Variants in TRPC4AP observed in about 807,000 individuals in gnomAD.
The protein encoded by TRPC4AP is transient receptor potential cation channel subfamily C member 4 associated protein, also known as short transient receptor potential channel 4-associated protein.
A neutral mutation model predicts 99.0 loss-of-function variants in TRPC4AP; 45 were observed. That is an observed-to-expected ratio of 0.45 (90% CI 0.36 to 0.58). The LOEUF is 0.58. Among genes scored for constraint, TRPC4AP ranks in the 20% least tolerant of loss-of-function variants. The pLI is 0.00. For synonymous variants in TRPC4AP, 408 were observed against 385.8 expected (o/e 1.06, Z -0.67); for missense variants, 879 against 985.3 (o/e 0.89, Z 1.44).
At chr20:35,061,846 T>C (rs982343401) in intron 3 of TRPC4AP, among the ~76,000 whole-genome samples, 2 of 152,126 alleles carry the variant, frequency 1.3e-5, no homozygotes, top group Admixed American at 6.5e-5. Flanking sequence ...AAAGATAAAA[T>C]GAACTTCATC....
At chr20:35,021,866 TA>T (rs1240791989) in intron 8 of TRPC4AP, among the ~76,000 whole-genome samples, 1 of 152,264 alleles carries the variant, frequency 6.6e-6, no homozygotes, top group Non-Finnish European at 1.5e-5. Flanking sequence ...TTCAACTTTC[TA>T]AAGCAGACTG....
intron 5 of TRPC4AP, 63 bp from the exon 6 acceptor site, chr20:35,050,057 C>T: frequency 6.4e-7 from 1 of 1,555,780 alleles, no homozygotes; most frequent in South Asian, 1.2e-5. Flanking sequence ...AAGTACAAGG[C>T]ATCCTTTACA....
intron 10 of TRPC4AP, among the ~76,000 whole-genome samples, chr20:35,013,916 G>C (rs2082693200): frequency 6.6e-6 from 1 of 152,222 alleles, no homozygotes; most frequent in Non-Finnish European, 1.5e-5. Context: ...GCCCTCCCAA[G>C]AGCAGCAGAA....
At chr20:35,092,576 G>GTCCGC (rs2085105418) in intron 1 of TRPC4AP, 38 bp downstream of exon 1, 4 of 1,438,602 alleles carry the variant, frequency 2.8e-6, no homozygotes, top group African/African-American at 1.5e-5. Context: ...CTCCCGCCTG[G>GTCCGC]TCCGCCCCGC....
chr20:35,014,077 C>G (rs554817713), intron 10 of TRPC4AP, among the ~76,000 whole-genome samples: 1 of 152,342 alleles, frequency 6.6e-6, no homozygotes, highest in Admixed American at 6.5e-5. Context: ...ACTAACCCCA[C>G]TGACCTCAAG....
chr20:35,082,905 A>C (rs2084683408), intron 1 of TRPC4AP, among the ~76,000 whole-genome samples: 1 of 152,214 alleles, frequency 6.6e-6, no homozygotes, highest in Non-Finnish European at 1.5e-5. Context: ...GTATCCACAG[A>C]AAACCCACTG....
chr20:35,042,238 G>A (rs1221106613), intron 7 of TRPC4AP, among the ~76,000 whole-genome samples: 3 of 152,186 alleles, frequency 2.0e-5, no homozygotes, highest in African/African-American at 7.2e-5. Context: ...AATCTAGAGA[G>A]AGAATAAACT....
At chr20:35,060,108 A>C (rs916651842) in intron 3 of TRPC4AP, among the ~76,000 whole-genome samples, 11 of 152,220 alleles carry the variant, frequency 7.2e-5, no homozygotes, top group Admixed American at 3.9e-4. Flanking sequence ...AGAATGATCA[A>C]TTCTTCACAA....
At chr20:35,009,947 GC>G in intron 12 of TRPC4AP, among the ~76,000 whole-genome samples, 1 of 152,360 alleles carries the variant, frequency 6.6e-6, no homozygotes, top group East Asian at 1.9e-4. Context: ...CCTCTCTGAG[GC>G]TCACCTCATC....
At chr20:35,014,561 C>T (rs1002105674) in intron 10 of TRPC4AP, among the ~76,000 whole-genome samples, 6 of 152,142 alleles carry the variant, frequency 3.9e-5, no homozygotes, top group African/African-American at 1.4e-4. Context: ...TGATTAAAAA[C>T]AGAATATGCA....
At position 35,090,702 on chromosome 20, in the gene TRPC4AP, T is replaced by C. The variant is rs562146562; in HGVS notation, c.168+1912A>G. On this transcript the variant is annotated intron_variant, in intron 1 of 18. Coordinates refer to ENST00000252015, the MANE Select transcript of TRPC4AP (RefSeq NM_015638.3). Reference sequence around the variant, plus strand: ...GGTGGGCTTTTCTAGGCTCCTCCCATTCTAAGTCATTCAGCACTGGAAACA... The same window carrying C: ...GGTGGGCTTTTCTAGGCTCCTCCCACTCTAAGTCATTCAGCACTGGAAACA... 2.6e-5 allele frequency among the ~76,000 whole-genome samples: 4 copies of C among 152,236 alleles called. No individual in the cohort carries two copies. The East Asian group carries it at 7.7e-4, about 29-fold the overall frequency.
Position 35,039,645 on chromosome 20 carries a change from T to C in TRPC4AP, c.866-4337A>G, listed in dbSNP as rs1212535052. Among the ~76,000 whole-genome samples the C allele has an allele frequency of 3.3e-5, 5 of 152,300 alleles. No individual in the cohort carries two copies. In the East Asian group the frequency reaches 7.7e-4, roughly 24 times the overall value. ...TTTCCCCTCCTGCTTTCCAGCTTCATGTGCTGCATAATTCAGCCCCTCTCA... is the reference window on the plus strand; with the variant it reads ...TTTCCCCTCCTGCTTTCCAGCTTCACGTGCTGCATAATTCAGCCCCTCTCA... On this transcript the variant is annotated intron_variant, in intron 7 of 18. Coordinates refer to ENST00000252015, the MANE Select transcript of TRPC4AP (RefSeq NM_015638.3).
chr20:35,069,459 C>G, intron 2 of TRPC4AP, 47 bp from the exon 3 acceptor site: 1 of 1,182,328 alleles, frequency 8.5e-7, no homozygotes, highest in Non-Finnish European at 1.3e-6. Flanking sequence ...GTAACCAACA[C>G]AGACCAGACA....
In TRPC4AP at chr20:35,033,783, G is replaced by C. The variant is rs190630503; in HGVS notation, c.1051+1340C>G. Among the ~76,000 whole-genome samples, 1,114 of 152,068 alleles carry C rather than the reference G, an allele frequency of 7.3e-3. 11 individuals carry two copies. The highest frequency in any genetic ancestry group is 0.023 in the African/African-American group (953 of 41,416). ...AAGGAGGGTGGATCACTTGAGGCCA[G>C]GAGTTTGAGACCAGCCTGACCAACA... On this transcript the variant is annotated intron_variant, in intron 8 of 18. Coordinates refer to ENST00000252015, the MANE Select transcript of TRPC4AP (RefSeq NM_015638.3).
chr20:35,029,859 A>G (rs1433063151), intron 8 of TRPC4AP, among the ~76,000 whole-genome samples: 1 of 145,812 alleles, frequency 6.9e-6, no homozygotes, highest in African/African-American at 2.5e-5. Flanking sequence ...GGTGGTCTCG[A>G]TCTCCTGACC....
At chr20:35,060,585 CAAAAAAAAAAAAA>C (rs35143678) in intron 3 of TRPC4AP, among the ~76,000 whole-genome samples, 8 of 70,386 alleles carry the variant, frequency 1.1e-4, no homozygotes, top group African/African-American at 1.8e-4. Flanking sequence ...ACCTTGTCTC[CAAAAAAAAAAAAA>C]AAAAAAAAAA....
chr20:35,006,233 G>A (rs984481984), intron 15 of TRPC4AP, among the ~76,000 whole-genome samples: 1 of 151,934 alleles, frequency 6.6e-6, no homozygotes, highest in African/African-American at 2.4e-5. Flanking sequence ...CTACCCACAA[G>A]CAGCCCCGGT....
chr20:35,077,898 A>G, intron 2 of TRPC4AP, 148 bp downstream of exon 2: 1 of 835,328 alleles, frequency 1.2e-6, no homozygotes. Flanking sequence ...TCTTCTTTGT[A>G]CTTTTTCTGA....
chr20:35,056,091 CTAGATGGGTTGTCTCATAATCCT>C (rs1309783672), intron 4 of TRPC4AP, among the ~76,000 whole-genome samples: 2 of 152,210 alleles, frequency 1.3e-5, no homozygotes, highest in African/African-American at 2.4e-5. Context: ...GCTAGCTTGA[CTAGATGGGTTGTCTCATAATCCT>C]GAGACAACGC....
Sources: allele counts gnomAD v4.1 joint callset (sites outside exome capture counted in the v4.1 genomes callset), GRCh38; gene constraint gnomAD v4.1.1; transcripts MANE v1.5; gene names NCBI Gene and HGNC (gene_info 2026-07-23, HGNC 2026-07-21).